FAM162B: variants seen among roughly 807,000 people sequenced by gnomAD.
The protein encoded by FAM162B is family with sequence similarity 162 member B.
A neutral mutation model predicts 20.0 loss-of-function variants in FAM162B; 16 were observed. The ratio of observed to expected loss-of-function variants is 0.80; its 90% confidence interval spans 0.54 to 1.21. The LOEUF (loss-of-function observed/expected upper bound fraction) is 1.21, where lower values mean the gene tolerates loss of function less well. FAM162B is among the 50% of genes most tolerant of loss of function. The pLI is 0.00. For synonymous variants in FAM162B, 83 were observed against 89.7 expected (o/e 0.93, Z 0.42); for missense variants, 260 against 227.5 (o/e 1.14, Z -0.92).
intron 3 of FAM162B, among the ~76,000 whole-genome samples, chr6:116,759,015 TA>T (rs1239823491): frequency 1.3e-5 from 2 of 152,180 alleles, no homozygotes; most frequent in African/African-American, 2.4e-5. Flanking sequence ...TTTTTCTATA[TA>T]AATTTTAGAC....
chr6:116,762,139 C>A, intron 2 of FAM162B, 54 bp from the exon 3 acceptor site: 1 of 1,397,784 alleles, frequency 7.2e-7, no homozygotes, highest in Non-Finnish European at 9.7e-7. Flanking sequence ...GGTTTTCTGA[C>A]AGGCATGATA....
chr6:116,762,499 T>A (rs1157040754), intron 2 of FAM162B, among the ~76,000 whole-genome samples: 3 of 151,254 alleles, frequency 2.0e-5, no homozygotes, highest in East Asian at 3.9e-4. Flanking sequence ...GTTTTTTTTT[T>A]AAAACTCATT....
intron 3 of FAM162B, among the ~76,000 whole-genome samples, chr6:116,753,003 G>A (rs1000455825): frequency 6.6e-6 from 1 of 151,796 alleles, no homozygotes; most frequent in Middle Eastern, 3.2e-3. Flanking sequence ...AAATAAATAA[G>A]CATTTAATAT....
intron 3 of FAM162B, among the ~76,000 whole-genome samples, chr6:116,759,990 T>C (rs1428293604): frequency 6.6e-6 from 1 of 152,176 alleles, no homozygotes; most frequent in Non-Finnish European, 1.5e-5. Context: ...TATCATCCTG[T>C]TCCTTTCCTT....
Position 116,765,398 on chromosome 6 carries a change from G to A in FAM162B, c.172+7C>T, listed in dbSNP as rs781598800. 6.8e-7 allele frequency: 1 copy of A among 1,471,590 alleles called. No homozygotes were observed. The highest frequency in any genetic ancestry group is 9.0e-7 in the Non-Finnish European group (1 of 1,108,890). The allele number at this position is 1,471,590 out of a possible 1,614,324, so 91.2% of individuals were successfully genotyped here. ...CCCAGGACCTCCCCGTCGGAGCCCT[G>A]GCTCACCGTGACCTTGGGGCCCAGA... On this transcript the variant is annotated splice_region_variant and intron_variant, in intron 1 of 3. Transcript: ENST00000368557.
chr6:116,764,017 A>C (rs768211787), intron 2 of FAM162B, among the ~76,000 whole-genome samples: 3 of 152,112 alleles, frequency 2.0e-5, no homozygotes, highest in Admixed American at 6.5e-5. Flanking sequence ...TTCCATGTCC[A>C]TTTCTCATTT....
intron 2 of FAM162B, among the ~76,000 whole-genome samples, chr6:116,764,895 TG>T (rs1771878675): frequency 6.6e-6 from 1 of 152,212 alleles, no homozygotes; most frequent in South Asian, 2.1e-4. Context: ...TGGGCGGTGC[TG>T]GAAGTGTCCC....
intron 2 of FAM162B, among the ~76,000 whole-genome samples, chr6:116,762,784 A>G (rs1016394723): frequency 3.3e-5 from 5 of 152,136 alleles, no homozygotes; most frequent in Non-Finnish European, 5.9e-5. Flanking sequence ...ATGTTGTCCA[A>G]GATTTTAATA....
chr6:116,753,366 G>A (rs1403841555), intron 3 of FAM162B, among the ~76,000 whole-genome samples: 1 of 152,170 alleles, frequency 6.6e-6, no homozygotes, highest in Non-Finnish European at 1.5e-5. Context: ...GAGGGACAGT[G>A]GTGGGACCAT....
At chr6:116,752,985 C>T (rs2114545636) in intron 3 of FAM162B, among the ~76,000 whole-genome samples, 1 of 151,842 alleles carries the variant, frequency 6.6e-6, no homozygotes, top group East Asian at 1.9e-4. Flanking sequence ...CATACAAAGT[C>T]CTTAGTAAAA....
intron 3 of FAM162B, among the ~76,000 whole-genome samples, chr6:116,753,576 T>C (rs536982228): frequency 6.6e-6 from 1 of 152,266 alleles, no homozygotes; most frequent in Admixed American, 6.5e-5. Context: ...CTCAGGGTTG[T>C]CTGGGGGAAG....
At chr6:116,764,392 T>A (rs566633821) in intron 2 of FAM162B, among the ~76,000 whole-genome samples, 3 of 152,358 alleles carry the variant, frequency 2.0e-5, no homozygotes, top group African/African-American at 7.2e-5. Context: ...GTAAAAATGC[T>A]GCGAAGGTTT....
rs1583464904 is a variant in FAM162B, at chr6:116,759,477, A to G, written c.390+2500T>C. Among the ~76,000 whole-genome samples the G allele has an allele frequency of 3.6e-5, 5 of 138,996 alleles. No individual in the cohort carries two copies. In the South Asian group the frequency reaches 6.8e-4, roughly 19 times the overall value. 91.2% of individuals were successfully genotyped at this position (138,996 alleles called of 152,430 possible). ...CACCACGCCTGGCTAATTTTTTTGT[A>G]TTTTTTTTTTTAGTAGTGACGGAGC... On this transcript the variant is annotated intron_variant, in intron 3 of 3. Coordinates refer to ENST00000368557, the MANE Select transcript of FAM162B (RefSeq NM_001085480.3).
In FAM162B at chr6:116,765,197, C is replaced by A. The variant is rs1216319604; in HGVS notation, c.231G>T (p.Leu77=). 1 of 1,613,826 alleles carries A rather than the reference C, an allele frequency of 6.2e-7. No homozygotes were observed. The highest frequency in any genetic ancestry group is 1.3e-5 in the African/African-American group (1 of 74,926). The part of the protein sequence containing the change: ...RRPSQFDKKI[L]LWTGRFKSME... ...TCGATTTGAAACGCCCTGTCCACAG[C>A]AGGATTTTCTTGTCGAACTGCGAAG... is the stretch of plus-strand genomic sequence containing the variant. Residue 77 remains leucine, a synonymous_variant, in exon 2 of 4, where the codon CTG becomes CTT. Transcript: ENST00000368557.
intron 3 of FAM162B, among the ~76,000 whole-genome samples, chr6:116,759,912 C>T (rs144903197): frequency 6.6e-6 from 1 of 152,272 alleles, no homozygotes; most frequent in Non-Finnish European, 1.5e-5. Context: ...AGCTTATTCT[C>T]ATCCTCCTCA....
rs1201006095 is a variant in FAM162B, at chr6:116,762,010, G to C, written c.357C>G (p.Ile119Met). ...ACYIMIGLTIIACFAVIVSAK... is the reference protein window; with the variant it reads ...ACYIMIGLTIMACFAVIVSAK... ...CTGACACTATCACAGCAAAGCAGGC[G>C]ATAATTGTGAGTCCAATCATTATGT... Residue 119 changes from isoleucine (I) to methionine (M), a missense_variant, in exon 3 of 4, where the codon ATC becomes ATG. Transcript: ENST00000368557. 2 of 1,602,628 alleles carry C rather than the reference G, an allele frequency of 1.2e-6. No homozygotes were observed. Among genetic ancestry groups the C allele is most frequent in the South Asian group, 2.2e-5 (2 of 90,008 alleles).
At position 116,765,432 on chromosome 6, in the gene FAM162B, G is replaced by A; in HGVS notation, c.145C>T (p.Pro49Ser). 1 of 1,448,082 alleles carries A rather than the reference G, an allele frequency of 6.9e-7. No individual in the cohort carries two copies. The highest frequency in any genetic ancestry group is 9.1e-7 in the Non-Finnish European group (1 of 1,099,740). The allele number at this position is 1,448,082 out of a possible 1,614,324, so 89.7% of individuals were successfully genotyped here. A position where few individuals can be genotyped will look rare whatever the true frequency, so the allele number is the denominator to read the frequency against. ...TGACCTTGGGGCCCAGAATTGCTGG[G>A]GGCCCCGCCGCTGGAGTAGCAGGGG... ...GLPCYSSGGA[P>S]SNSGPQGHGE... Residue 49 changes from proline (P) to serine (S), a missense_variant, in exon 1 of 4, where the codon CCC becomes TCC. By Grantham distance (74) the Pro-to-Ser change is moderately conservative. Transcript: ENST00000368557.
At position 116,762,500 on chromosome 6, in the gene FAM162B, A is replaced by T. The variant is rs76075900; in HGVS notation, c.282-415T>A. Among the ~76,000 whole-genome samples, 101 of 33,880 alleles carry T rather than the reference A, an allele frequency of 3.0e-3. 1 individual carries two copies. In the South Asian group the frequency reaches 0.054, roughly 18 times the overall value. 22.2% of individuals were successfully genotyped at this position (33,880 alleles called of 152,430 possible). A position where few individuals can be genotyped will look rare whatever the true frequency, so the allele number is the denominator to read the frequency against. ...TTTCCATTTGAACAGTTTTTTTTTTAAAACTCATTTTTATCATTTTGTTTT... is the reference window on the plus strand; with the variant it reads ...TTTCCATTTGAACAGTTTTTTTTTTTAAACTCATTTTTATCATTTTGTTTT... On this transcript the variant is annotated intron_variant, in intron 2 of 3. Transcript: ENST00000368557.
chr6:116,765,344 C>G (rs1299752708), intron 1 of FAM162B, 61 bp downstream of exon 1: 5 of 1,527,736 alleles, frequency 3.3e-6, no homozygotes, highest in Non-Finnish European at 4.4e-6. Flanking sequence ...CGGGCCGGCC[C>G]CTCGCTGCCC....
Sources: allele counts gnomAD v4.1 joint callset (sites outside exome capture counted in the v4.1 genomes callset), GRCh38; gene constraint gnomAD v4.1.1; transcripts MANE v1.5; gene names NCBI Gene and HGNC (gene_info 2026-07-23, HGNC 2026-07-21).